IFT57: variants seen among roughly 807,000 people sequenced by gnomAD.
The protein encoded by IFT57 is intraflagellar transport 57.
A neutral mutation model predicts 56.8 loss-of-function variants in IFT57; 59 were observed. The observed-to-expected ratio is 1.04, with a 90% CI of 0.84 to 1.29. The LOEUF is 1.29. IFT57 is among the 50% of genes most tolerant of loss of function. The pLI, the probability that IFT57 is intolerant of heterozygous loss-of-function variation, is 0.00. For missense variants in IFT57, 470 were observed against 522.1 expected, an observed-to-expected ratio of 0.90 and a Z score of 0.97; for synonymous variants, 209 against 186.1, an observed-to-expected ratio of 1.12 and a Z score of -1.00.
chr3:108,173,825 TTATA>T (rs2080108835), intron 6 of IFT57, among the ~76,000 whole-genome samples: 2 of 132,814 alleles, frequency 1.5e-5, no homozygotes, highest in South Asian at 4.8e-4. Flanking sequence ...ATATAGTATA[TTATA>T]TACAGTAATA....
chr3:108,177,011 T>C (rs747815547), intron 6 of IFT57, among the ~76,000 whole-genome samples: 4 of 151,776 alleles, frequency 2.6e-5, no homozygotes, highest in African/African-American at 4.8e-5. Context: ...GGTCAATCCA[T>C]GGTAGAGCCC....
chr3:108,192,174 CAAAAAAAAAAA>C (rs11347289), intron 5 of IFT57, among the ~76,000 whole-genome samples: 2 of 74,698 alleles, frequency 2.7e-5, no homozygotes, highest in Admixed American at 1.7e-4. Flanking sequence ...GACTCTGTCT[CAAAAAAAAAAA>C]AAAAAAAAAA....
chr3:108,211,166 C>T (rs1274018861), intron 4 of IFT57, among the ~76,000 whole-genome samples: 1 of 152,154 alleles, frequency 6.6e-6, no homozygotes, highest in Non-Finnish European at 1.5e-5. Flanking sequence ...TTCCTCCTGA[C>T]TAGTGGGTTT....
At chr3:108,183,778 A>G (rs2080164451) in intron 6 of IFT57, among the ~76,000 whole-genome samples, 1 of 152,178 alleles carries the variant, frequency 6.6e-6, no homozygotes, top group African/African-American at 2.4e-5. Flanking sequence ...AAACTCAAAA[A>G]GAATATTCTT....
At position 108,162,600 on chromosome 3, in the gene IFT57, C is replaced by T. The variant is rs984454235; in HGVS notation, c.1167G>A (p.Glu389=). 1.2e-6 allele frequency: 2 copies of T among 1,612,534 alleles called. No homozygotes were observed. The highest frequency in any genetic ancestry group is 1.7e-6 in the Non-Finnish European group (2 of 1,179,152). The part of the protein sequence containing the change: ...SLTKLKQETV[E]MDIRIGIVEH... Reference sequence around the variant, plus strand: ...CCACAATGCCAATTCTAATGTCCATCTCTACAGTTTCTTGCTTCAGTTTTG... The same window carrying T: ...CCACAATGCCAATTCTAATGTCCATTTCTACAGTTTCTTGCTTCAGTTTTG... Residue 389 remains glutamate, a synonymous_variant, in exon 11 of 11, where the codon GAG becomes GAA. Transcript: ENST00000264538.
In IFT57 at chr3:108,165,397, A is replaced by G. The variant is rs760599354; in HGVS notation, c.1044+34T>C. 22 of 1,569,872 alleles carry G rather than the reference A, an allele frequency of 1.4e-5. 1 individual carries two copies. Among genetic ancestry groups the G allele is most frequent in the Non-Finnish European group, 7.9e-6 (9 of 1,140,468 alleles). On this transcript the variant is annotated intron_variant, in intron 9 of 10. Coordinates refer to ENST00000264538, the MANE Select transcript of IFT57 (RefSeq NM_018010.4). ...TCTCAATGGCTGGGGCCCAGCTGACAGGTGAGAAGCAGGGCAAGAGCATCA... is the reference window on the plus strand; with the variant it reads ...TCTCAATGGCTGGGGCCCAGCTGACGGGTGAGAAGCAGGGCAAGAGCATCA...
intron 5 of IFT57, among the ~76,000 whole-genome samples, chr3:108,193,912 C>T (rs563180696): frequency 4.6e-5 from 7 of 152,178 alleles, no homozygotes; most frequent in Non-Finnish European, 2.9e-5. Context: ...ATTTTCTATA[C>T]CACACAGGAT....
At chr3:108,177,810 C>T (rs1228710668) in intron 6 of IFT57, among the ~76,000 whole-genome samples, 2 of 151,714 alleles carry the variant, frequency 1.3e-5, no homozygotes, top group South Asian at 2.1e-4. Context: ...ACCACTTACA[C>T]CCAAAATAAG....
Position 108,222,358 on chromosome 3 carries a change from C to T in IFT57, c.-36G>A, listed in dbSNP as rs2080411723. On this transcript the variant is annotated 5_prime_UTR_variant, in exon 1 of 11. Transcript: ENST00000264538. The stretch of plus-strand genomic sequence containing the variant: ...ACAGAGTCCAGCGTGGGCTCAGGCC[C>T]ACAGACCTCTGCGGCCTAAGCCGCC... 3.2e-6 allele frequency: 5 copies of T among 1,559,648 alleles called. No individual in the cohort carries two copies. The South Asian group carries it at 6.0e-5, about 19-fold the overall frequency.
chr3:108,189,155 TTAATA>T (rs2080201323), intron 6 of IFT57, among the ~76,000 whole-genome samples: 3 of 152,248 alleles, frequency 2.0e-5, no homozygotes, highest in Non-Finnish European at 4.4e-5. Flanking sequence ...GAAATTCTTA[TTAATA>T]TATTTTTAGA....
chr3:108,188,972 G>A (rs2080199770), intron 6 of IFT57, among the ~76,000 whole-genome samples: 1 of 152,150 alleles, frequency 6.6e-6, no homozygotes, highest in African/African-American at 2.4e-5. Context: ...GGATTAAGCT[G>A]TACTTGAGAG....
rs1479237215 is a variant in IFT57 at position 108,222,289 on chromosome 3, C to G, written c.34G>C (p.Gly12Arg). Residue 12 changes from glycine (G) to arginine (R), a missense_variant, in exon 1 of 11, where the codon GGT becomes CGT. By Grantham distance (125) the Gly-to-Arg change is moderately radical (BLOSUM62 -2). Transcript: ENST00000264538. ...GACCTAGGCACCCCATCTTCCAAAC[C>G]CGACGTCGTGACGACGGCCAGAGCA... Reference protein sequence around the residue: ...TAALAVVTTSGLEDGVPRSRG... With the variant: ...TAALAVVTTSRLEDGVPRSRG... The G allele has an allele frequency of 4.3e-6, 7 of 1,613,438 alleles. No homozygotes were observed. The East Asian group carries it at 1.6e-4, about 36-fold the overall frequency.
At chr3:108,206,471 T>C (rs2080314517) in intron 5 of IFT57, among the ~76,000 whole-genome samples, 157 bp downstream of exon 5, 1 of 152,048 alleles carries the variant, frequency 6.6e-6, no homozygotes, top group African/African-American at 2.4e-5. Context: ...ATATTTGCTA[T>C]AATTATAACA....
At chr3:108,193,827 T>A (rs62262421) in intron 5 of IFT57, among the ~76,000 whole-genome samples, 13,941 of 152,186 alleles carry the variant, frequency 0.092, 702 homozygotes, top group Middle Eastern at 0.12. Flanking sequence ...ATGCATATGT[T>A]TGGAAGAACT....
chr3:108,177,138 T>C (rs550371939), intron 6 of IFT57, among the ~76,000 whole-genome samples: 1 of 151,930 alleles, frequency 6.6e-6, no homozygotes, highest in East Asian at 1.9e-4. Context: ...CTTGTAATAT[T>C]TGAGTTCTTA....
chr3:108,182,440 C>G (rs112591078), intron 6 of IFT57, among the ~76,000 whole-genome samples: 9 of 152,222 alleles, frequency 5.9e-5, no homozygotes, highest in South Asian at 2.1e-4. Context: ...AAGGAGGCCT[C>G]TCTTCTCCCT....
In IFT57 at chr3:108,163,730, C is replaced by T; in HGVS notation, c.1045-1G>A. The stretch of plus-strand genomic sequence containing the variant: ...TTACCTTTTCTAATTCTTCCATAAC[C>T]TTTCATGAAAACAAGTTTTCATGAG... On this transcript the variant is annotated splice_acceptor_variant, in intron 9 of 10. Transcript: ENST00000264538. LOFTEE classifies it high-confidence loss of function. 1 of 1,600,706 alleles carries T rather than the reference C, an allele frequency of 6.2e-7. No individual in the cohort carries two copies. Among genetic ancestry groups the T allele is most frequent in the Non-Finnish European group, 8.6e-7 (1 of 1,169,412 alleles).
chr3:108,186,040 A>G (rs1397416286), intron 6 of IFT57, among the ~76,000 whole-genome samples: 1 of 152,122 alleles, frequency 6.6e-6, no homozygotes, highest in Non-Finnish European at 1.5e-5. Flanking sequence ...TCTCCAATTC[A>G]GCTAGTAGAT....
At chr3:108,166,577 C>A (rs1174501569) in intron 8 of IFT57, among the ~76,000 whole-genome samples, 2 of 152,024 alleles carry the variant, frequency 1.3e-5, no homozygotes, top group Non-Finnish European at 2.9e-5. Flanking sequence ...ATACTCTGTT[C>A]CTGTTCTAAG....
Sources: allele counts gnomAD v4.1 joint callset (sites outside exome capture counted in the v4.1 genomes callset), GRCh38; gene constraint gnomAD v4.1.1; transcripts MANE v1.5; gene names NCBI Gene and HGNC (gene_info 2026-07-23, HGNC 2026-07-21).